The following STK4 variants were observed in gnomAD, a reference collection of about 807,000 sequenced individuals.
The protein encoded by STK4 is serine/threonine kinase 4, also known as serine/threonine-protein kinase 4.
STK4 carries 30 observed loss-of-function variants against 64.9 expected under a neutral mutation model. That is an observed-to-expected ratio of 0.46 (90% CI 0.35 to 0.63). The LOEUF (loss-of-function observed/expected upper bound fraction) is 0.63. STK4 is among the 20% of genes least tolerant of loss of function. The pLI is 0.01. For missense variants in STK4, 466 were observed against 598.5 expected, an observed-to-expected ratio of 0.78 and a Z score of 2.31; for synonymous variants, 177 against 199.0, an observed-to-expected ratio of 0.89 and a Z score of 0.93.
chr20:45,059,226 C>A, intron 10 of STK4, among the ~76,000 whole-genome samples: 1 of 152,170 alleles, frequency 6.6e-6, no homozygotes, highest in Non-Finnish European at 1.5e-5. Context: ...GCATGTATTT[C>A]TTTTTCCTTC....
chr20:45,020,466 G>GTT (rs1491389409), intron 9 of STK4, among the ~76,000 whole-genome samples: 148 of 89,080 alleles, frequency 1.7e-3, no homozygotes, highest in South Asian at 7.6e-3. Context: ...GTGTGTGTGT[G>GTT]TATGTTTATG....
At chr20:45,039,059 A>G (rs564461276) in intron 10 of STK4, among the ~76,000 whole-genome samples, 6 of 152,212 alleles carry the variant, frequency 3.9e-5, no homozygotes, top group Admixed American at 3.9e-4. Context: ...GCTGTTTAAG[A>G]TAACTGTGGA....
At chr20:45,073,688 C>G (rs1411459737) in intron 10 of STK4, among the ~76,000 whole-genome samples, 2 of 152,186 alleles carry the variant, frequency 1.3e-5, no homozygotes, top group South Asian at 4.1e-4. Context: ...CATTCATTCC[C>G]ACCCCTGACA....
intron 2 of STK4, among the ~76,000 whole-genome samples, chr20:44,976,900 G>A (rs753433374): frequency 2.0e-5 from 3 of 152,234 alleles, no homozygotes; most frequent in Non-Finnish European, 2.9e-5. Flanking sequence ...AAGAAGGGAA[G>A]TGGCAGGTGG....
At chr20:45,029,964 A>C (rs1182560765) in intron 10 of STK4, among the ~76,000 whole-genome samples, 1 of 152,242 alleles carries the variant, frequency 6.6e-6, no homozygotes, top group Non-Finnish European at 1.5e-5. Context: ...AAAGAAGCAC[A>C]TAAAATATGG....
chr20:45,006,557 T>C (rs971843644), intron 9 of STK4, among the ~76,000 whole-genome samples: 1 of 152,318 alleles, frequency 6.6e-6, no homozygotes, highest in South Asian at 2.1e-4. Flanking sequence ...TCTTACACTT[T>C]GTAAATTTTG....
chr20:45,015,731 G>C (rs2068129315), intron 9 of STK4, among the ~76,000 whole-genome samples: 1 of 152,140 alleles, frequency 6.6e-6, no homozygotes, highest in Non-Finnish European at 1.5e-5. Context: ...ACCTTGGTCA[G>C]GTTCTTTCTT....
chr20:44,991,612 C>A (rs1040167545), intron 5 of STK4, among the ~76,000 whole-genome samples: 2 of 151,740 alleles, frequency 1.3e-5, no homozygotes, highest in East Asian at 3.9e-4. Context: ...TATAAAAATT[C>A]GTTTGTAAAT....
At chr20:45,045,548 G>A (rs1458317068) in intron 10 of STK4, among the ~76,000 whole-genome samples, 1 of 152,186 alleles carries the variant, frequency 6.6e-6, no homozygotes, top group Non-Finnish European at 1.5e-5. Flanking sequence ...CAGGAAGAAT[G>A]ATTTCAGGTT....
chr20:44,997,100 A>G lies in STK4; in HGVS notation c.694-69A>G, dbSNP rs1338130996. On this transcript the variant is annotated intron_variant, in intron 6 of 10. Transcript: ENST00000372806. ...TACCAAGCTTCAAATGTAATTCCAC[A>G]TGTATTTTTTATTGGAGCATTACTT... The G allele has an allele frequency of 3.1e-6, 5 of 1,597,212 alleles. No homozygotes were observed. The South Asian group carries it at 4.5e-5, about 14-fold the overall frequency.
At chr20:45,069,124 A>G (rs2145480690) in intron 10 of STK4, among the ~76,000 whole-genome samples, 1 of 152,356 alleles carries the variant, frequency 6.6e-6, no homozygotes, top group Non-Finnish European at 1.5e-5. Flanking sequence ...GTGAGTTCCC[A>G]TAAGACATTA....
At chr20:44,972,265 A>G in intron 2 of STK4, 107 bp downstream of exon 2, 1 of 966,908 alleles carries the variant, frequency 1.0e-6, no homozygotes, top group South Asian at 1.5e-5. Context: ...GTGGGGTGGA[A>G]GGTAAATTTA....
Position 45,077,221 on chromosome 20 carries a change from A to T in STK4, c.*2045A>T, listed in dbSNP as rs1980582741. ...GAAAGTCACAAGCCTGTTTAAAATG[A>T]AGTGACCACCTTTTCTTGCATAGAC... is the stretch of plus-strand genomic sequence containing the variant. On this transcript the variant is annotated 3_prime_UTR_variant, in exon 11 of 11. Transcript: ENST00000372806. 1 of 152,226 alleles carries T rather than the reference A, an allele frequency of 6.6e-6. No individual in the cohort carries two copies. The highest frequency in any genetic ancestry group is 2.1e-4 in the South Asian group (1 of 4,828). The allele number at this position is 152,226 out of a possible 1,614,324, so 9.4% of individuals were successfully genotyped here. A position where few individuals can be genotyped will look rare whatever the true frequency, so the allele number is the denominator to read the frequency against.
intron 2 of STK4, chr20:44,974,962 G>A (rs1322059918): frequency 6.6e-6 from 1 of 152,208 alleles, no homozygotes; most frequent in Non-Finnish European, 1.5e-5. Flanking sequence ...GAGCACTTGG[G>A]AAGTGTTTTC....
intron 10 of STK4, among the ~76,000 whole-genome samples, chr20:45,049,341 G>A (rs886879282): frequency 1.1e-4 from 16 of 152,062 alleles, no homozygotes; most frequent in Non-Finnish European, 2.1e-4. Flanking sequence ...TAAAAATGAG[G>A]TAAAGTCAGG....
intron 10 of STK4, among the ~76,000 whole-genome samples, chr20:45,057,662 A>T (rs1330921309): frequency 1.3e-5 from 2 of 152,190 alleles, no homozygotes; most frequent in Non-Finnish European, 2.9e-5. Flanking sequence ...TTTGCTCATT[A>T]TAGAAAACAT....
intron 8 of STK4, 129 bp downstream of exon 8, chr20:45,000,649 C>T: frequency 7.3e-7 from 1 of 1,360,922 alleles, no homozygotes; most frequent in Non-Finnish European, 1.0e-6. Flanking sequence ...ATAACTATGT[C>T]CTAACCTGGA....
At chr20:45,057,542 T>C (rs1246369634) in intron 10 of STK4, among the ~76,000 whole-genome samples, 1 of 152,192 alleles carries the variant, frequency 6.6e-6, no homozygotes, top group Non-Finnish European at 1.5e-5. Context: ...ACCTGTGTTA[T>C]ATACTAATCA....
chr20:45,011,711 A>ATG, intron 9 of STK4, among the ~76,000 whole-genome samples: 1 of 98,928 alleles, frequency 1.0e-5, no homozygotes. Flanking sequence ...GAACATACAT[A>ATG]TATATATATA....
Sources: allele counts gnomAD v4.1 joint callset (sites outside exome capture counted in the v4.1 genomes callset), GRCh38; gene constraint gnomAD v4.1.1; transcripts MANE v1.5; gene names NCBI Gene and HGNC (gene_info 2026-07-23, HGNC 2026-07-21).